Variants in PDZD2 observed in about 807,000 individuals in gnomAD.
The protein encoded by PDZD2 is PDZ domain-containing protein 2.
PDZD2 carries 90 observed loss-of-function variants against 220.7 expected under a neutral mutation model. The observed-to-expected ratio is 0.41, with a 90% CI of 0.34 to 0.49. PDZD2 has a LOEUF of 0.49. PDZD2 is among the 20% of genes least tolerant of loss of function. The pLI is 0.28. For synonymous variants in PDZD2, 1,375 were observed against 1,450.5 expected, an observed-to-expected ratio of 0.95 and a Z score of 1.18; for missense variants, 3,174 against 3,608.5, an observed-to-expected ratio of 0.88 and a Z score of 3.08.
chr5:31,735,703 T>C (rs993471032), intron 1 of PDZD2, among the ~76,000 whole-genome samples: 12 of 152,044 alleles, frequency 7.9e-5, no homozygotes, highest in Non-Finnish European at 1.8e-4. Flanking sequence ...TCCCAGCACA[T>C]TGGGAGGCCA....
Position 32,090,668 on chromosome 5 carries a change from C to T in PDZD2, c.7220C>T (p.Ala2407Val). Residue 2407 changes from alanine (A) to valine (V), a missense_variant, in exon 20 of 25, where the codon GCC becomes GTC. By Grantham distance (64) the Ala-to-Val change is moderately conservative. Coordinates refer to ENST00000438447, the MANE Select transcript of PDZD2 (RefSeq NM_178140.4). This position sits in a 1 kb window ranked among gnomAD's most constrained non-coding sequence, Gnocchi z 4.3. ...TCCTGCAGCGAAAACCAAAGCGAAG[C>T]CGGCACCCTCCTGCCCCAGATGGCC... is the stretch of plus-strand genomic sequence containing the variant. ...LSSCSENQSE[A>V]GTLLPQMAKS... The T allele has an allele frequency of 1.2e-6, 2 of 1,614,106 alleles. No homozygotes were observed. The highest frequency in any genetic ancestry group is 1.7e-6 in the Non-Finnish European group (2 of 1,180,012).
intron 2 of PDZD2, among the ~76,000 whole-genome samples, chr5:31,833,340 TGCCTGTAGTCCCA>T (rs763206263): frequency 3.8e-4 from 58 of 152,212 alleles, no homozygotes; most frequent in Non-Finnish European, 7.4e-4. Flanking sequence ...TAGTGGCACA[TGCCTGTAGTCCCA>T]GCTACTGAGG....
At chr5:31,854,923 G>GC in intron 2 of PDZD2, 2 of 962,250 alleles carry the variant, frequency 2.1e-6, no homozygotes. Flanking sequence ...GGAGGGGGGG[G>GC]TCCTCCCACA....
At chr5:31,831,515 G>A (rs548284450) in intron 2 of PDZD2, among the ~76,000 whole-genome samples, 2 of 152,238 alleles carry the variant, frequency 1.3e-5, no homozygotes, top group South Asian at 2.1e-4. Context: ...TTGGGAGGCC[G>A]AGGCGGGTGG....
Position 32,090,445 on chromosome 5 carries a change from T to G in PDZD2, c.6997T>G (p.Phe2333Val). 1 of 1,614,138 alleles carries G rather than the reference T, an allele frequency of 6.2e-7. No individual in the cohort carries two copies. Among genetic ancestry groups the G allele is most frequent in the Admixed American group, 1.7e-5 (1 of 60,034 alleles). Residue 2333 changes from phenylalanine to valine, a missense_variant, in exon 20 of 25, where the codon TTC becomes GTC. Around this residue, in one of 4 missense-constraint regions of PDZD2, gnomAD observed 631 missense variants for 789.9 expected, o/e 0.80. Coordinates refer to ENST00000438447, the MANE Select transcript of PDZD2 (RefSeq NM_178140.4). The surrounding 1 kb of genome is among the most constrained non-coding windows in gnomAD (Gnocchi z 4.3). ...QNWPHESTSFFSVKQRIKSFE... is the reference protein window; with the variant it reads ...QNWPHESTSFVSVKQRIKSFE... ...CTGGCCCCATGAATCTACCTCATTT[T>G]TCTCTGTGAAGCAGCGGATCAAGTC...
intron 1 of PDZD2, among the ~76,000 whole-genome samples, chr5:31,766,624 T>C (rs182519503): frequency 8.5e-5 from 13 of 152,304 alleles, no homozygotes; most frequent in African/African-American, 2.9e-4. Context: ...ACTCTTGGGC[T>C]TAAGACATCT....
intron 1 of PDZD2, among the ~76,000 whole-genome samples, chr5:31,664,577 C>T (rs538252812): frequency 6.6e-6 from 1 of 152,316 alleles, no homozygotes; most frequent in South Asian, 2.1e-4. Flanking sequence ...ACAGCCAAAC[C>T]TGCCCCGGCT....
intron 2 of PDZD2, among the ~76,000 whole-genome samples, chr5:31,834,773 T>C (rs1057125518): frequency 2.0e-5 from 3 of 151,910 alleles, no homozygotes; most frequent in Non-Finnish European, 2.9e-5. Context: ...TTGGGAGATA[T>C]ACCTAATGCA....
At chr5:31,676,307 A>G (rs960898376) in intron 1 of PDZD2, among the ~76,000 whole-genome samples, 7 of 152,312 alleles carry the variant, frequency 4.6e-5, no homozygotes, top group Middle Eastern at 3.4e-3. Flanking sequence ...GTCTTAACCT[A>G]CTTGAAAAGA....
At chr5:31,834,889 T>A (rs1023426424) in intron 2 of PDZD2, among the ~76,000 whole-genome samples, 1 of 149,012 alleles carries the variant, frequency 6.7e-6, no homozygotes, top group East Asian at 1.9e-4. Context: ...ATAATAAAAA[T>A]ATATATATTT....
At chr5:32,085,994 T>C (rs1742414310) in intron 19 of PDZD2, among the ~76,000 whole-genome samples, 3 of 152,146 alleles carry the variant, frequency 2.0e-5, no homozygotes, top group Admixed American at 2.0e-4. Context: ...CTCCTCACTC[T>C]CTGGCCAAAC....
intron 5 of PDZD2, among the ~76,000 whole-genome samples, chr5:32,001,725 G>A (rs1386687182): frequency 6.6e-6 from 1 of 152,202 alleles, no homozygotes; most frequent in African/African-American, 2.4e-5. Context: ...GAAAGAGGAG[G>A]CGTTGACCTC....
At chr5:31,903,878 C>T (rs1009030957) in intron 2 of PDZD2, among the ~76,000 whole-genome samples, 1 of 151,858 alleles carries the variant, frequency 6.6e-6, no homozygotes, top group Non-Finnish European at 1.5e-5. Flanking sequence ...TGCCCGCCAC[C>T]ATGCGCAGGA....
chr5:31,919,745 G>T (rs1307354458), intron 2 of PDZD2, among the ~76,000 whole-genome samples: 1 of 148,054 alleles, frequency 6.8e-6, no homozygotes, highest in Non-Finnish European at 1.5e-5. Context: ...AGGCACAGTG[G>T]CTCACACCTG....
At chr5:32,103,925 GC>G (rs1744491861) in intron 24 of PDZD2, 1 of 152,306 alleles carries the variant, frequency 6.6e-6, no homozygotes, top group African/African-American at 2.4e-5. Context: ...TTTGTCTCTA[GC>G]ATCTGGCCAC....
rs933492340 is a variant in PDZD2, at chr5:31,668,328, A to T, written c.-361+28891A>T. On this transcript the variant is annotated intron_variant, in intron 1 of 24. Transcript: ENST00000438447. ...ATGGAAGTTGGTGGAAGACCAAACC[A>T]CTCCTTTCTGTTCCTTAGAACCACG... Among the ~76,000 whole-genome samples, 3 of 151,632 alleles carry T rather than the reference A, an allele frequency of 2.0e-5. No individual in the cohort carries two copies. The East Asian group carries it at 5.8e-4, about 29-fold the overall frequency.
intron 1 of PDZD2, among the ~76,000 whole-genome samples, chr5:31,717,680 G>A (rs1249722930): frequency 6.6e-6 from 1 of 152,176 alleles, no homozygotes; most frequent in East Asian, 1.9e-4. Flanking sequence ...CCCTCCTAGA[G>A]GCCTGGTTAG....
intron 1 of PDZD2, among the ~76,000 whole-genome samples, chr5:31,787,234 C>T (rs1753432829): frequency 6.6e-6 from 1 of 152,188 alleles, no homozygotes; most frequent in Non-Finnish European, 1.5e-5. Flanking sequence ...CATTGAACTG[C>T]CATTGTACAA....
chr5:31,752,590 TC>T (rs568628947), intron 1 of PDZD2, among the ~76,000 whole-genome samples: 1 of 145,470 alleles, frequency 6.9e-6, no homozygotes, highest in Non-Finnish European at 1.5e-5. Flanking sequence ...CGTTTTTTTT[TC>T]CCCCCCAGAG....
Sources: gnomAD v4.1 joint callset for allele counts (sites outside exome capture counted in the v4.1 genomes callset) on GRCh38, gnomAD v4.1.1 for gene constraint, gnomAD v4.1.1 regional missense constraint, Gnocchi (gnomAD v3.1) non-coding constraint, MANE v1.5 for transcripts, NCBI Gene and HGNC (gene_info 2026-07-23, HGNC 2026-07-21) for gene names.